The following KLF6 variants were observed in gnomAD, a reference collection of about 807,000 sequenced individuals.
The protein encoded by KLF6 is Krueppel-like factor 6.
For missense variants in KLF6, 233 were observed against 359.8 expected, an observed-to-expected ratio of 0.65 and a Z score of 2.85; for synonymous variants, 152 against 147.9, an observed-to-expected ratio of 1.03 and a Z score of -0.20.
Position 3,782,862 on chromosome 10 carries a change from G to T in KLF6, c.103-648C>A, listed in dbSNP as rs149673152. ...ACCGCCTATGTTTTCACAGAATGCC[G>T]TTCCCAAGTGCAGGCCCTTGCATGA... On this transcript the variant is annotated intron_variant, in intron 1 of 3. Coordinates refer to ENST00000497571, the MANE Select transcript of KLF6 (RefSeq NM_001300.6). This position sits in a 1 kb window ranked among gnomAD's most constrained non-coding sequence, Gnocchi z 4.3. 6.6e-6 allele frequency among the ~76,000 whole-genome samples: 1 copy of T among 152,204 alleles called. No individual in the cohort carries two copies. The highest frequency in any genetic ancestry group is 1.9e-4 in the East Asian group (1 of 5,204).
rs1564291640 is a variant in KLF6, at chr10:3,776,338, G to GTA, written c.*3199_*3200dup. The stretch of plus-strand genomic sequence containing the variant: ...TGTTTTTGTCAGTCCTTGGAGAAGA[G>GTA]TATTTGATGCATTCAGGGAGGGCAA... On this transcript the variant is annotated 3_prime_UTR_variant, in exon 4 of 4. Coordinates refer to ENST00000497571, the MANE Select transcript of KLF6 (RefSeq NM_001300.6). 5.6e-5 allele frequency: 30 copies of GTA among 532,580 alleles called. No homozygotes were observed. The East Asian group carries it at 1.2e-3, about 21-fold the overall frequency. 33.0% of individuals were successfully genotyped at this position (532,580 alleles called of 1,614,324 possible). A position where few individuals can be genotyped will look rare whatever the true frequency, so the allele number is the denominator to read the frequency against.
intron 1 of KLF6, 92 bp downstream of exon 1, chr10:3,784,821 G>A: frequency 8.1e-7 from 1 of 1,227,520 alleles, no homozygotes; most frequent in Non-Finnish European, 1.1e-6. Context: ...CCCAGGCCCA[G>A]CGGACCGCAG....
At chr10:3,779,741 G>A in intron 3 of KLF6, 151 bp from the exon 4 acceptor site, 1 of 746,668 alleles carries the variant, frequency 1.3e-6, no homozygotes. Flanking sequence ...GTGTCTTCAG[G>A]GACAGGAGAT....
Position 3,778,007 on chromosome 10 carries a change from C to G in KLF6, c.*1532G>C, listed in dbSNP as rs748062189. The stretch of plus-strand genomic sequence containing the variant: ...GTGTGTGATCTATACAATTGTTGTG[C>G]AAGGTCTATATGAAAGTCTCAAGGT... On this transcript the variant is annotated 3_prime_UTR_variant, in exon 4 of 4. Coordinates refer to ENST00000497571, the MANE Select transcript of KLF6 (RefSeq NM_001300.6). 2.0e-6 allele frequency: 1 copy of G among 505,940 alleles called. No individual in the cohort carries two copies. Among genetic ancestry groups the G allele is most frequent in the Non-Finnish European group, 3.9e-6 (1 of 258,540 alleles). 31.3% of individuals were successfully genotyped at this position (505,940 alleles called of 1,614,324 possible). A position where few individuals can be genotyped will look rare whatever the true frequency, so the allele number is the denominator to read the frequency against.
At position 3,785,004 on chromosome 10, in the gene KLF6, A is replaced by G; in HGVS notation, c.11T>C (p.Leu4Pro). ...CTCCTGGAAGATGCTGCACATGGGG[A>G]GCACGTCCATGTCGGGCCGGGTTGG... Reference protein sequence around the residue: MDVLPMCSIFQELQ... With the variant: MDVPPMCSIFQELQ... The change falls in exon 1 of 4, where the codon CTC becomes CCC. Residue 4 changes from leucine (L) to proline (P), a missense_variant. Leu to Pro is a moderately conservative substitution (Grantham distance 98, BLOSUM62 -3). Coordinates refer to ENST00000497571, the MANE Select transcript of KLF6 (RefSeq NM_001300.6). 1.9e-6 allele frequency: 3 copies of G among 1,610,198 alleles called. No homozygotes were observed. The highest frequency in any genetic ancestry group is 2.5e-6 in the Non-Finnish European group (3 of 1,177,712).
rs1310382953 is a variant in KLF6, at chr10:3,778,959, C to T, written c.*580G>A. On this transcript the variant is annotated 3_prime_UTR_variant, in exon 4 of 4. Coordinates refer to ENST00000497571, the MANE Select transcript of KLF6 (RefSeq NM_001300.6). ...AAAGGGGGAGAGAGGCTCTCCCTCC[C>T]CACACCACTCGCCACTCTGGGGTCC... The T allele has an allele frequency of 3.7e-6, 2 of 534,790 alleles. No individual in the cohort carries two copies. Among genetic ancestry groups the T allele is most frequent in the African/African-American group, 3.7e-5 (2 of 53,884 alleles). The allele number at this position is 534,790 out of a possible 1,614,324, so 33.1% of individuals were successfully genotyped here. A position where few individuals can be genotyped will look rare whatever the true frequency, so the allele number is the denominator to read the frequency against.
At chr10:3,784,479 AAG>A (rs1415781886) in intron 1 of KLF6, among the ~76,000 whole-genome samples, 2 of 152,190 alleles carry the variant, frequency 1.3e-5, no homozygotes, top group Non-Finnish European at 2.9e-5. Context: ...ACAAAAATAA[AAG>A]AGAGCTGGTC....
rs923864525 is a variant in KLF6 at position 3,782,217 on chromosome 10, G to A, written c.103-3C>T. 5 of 1,602,952 alleles carry A rather than the reference G, an allele frequency of 3.1e-6. 1 individual carries two copies. The highest frequency in any genetic ancestry group is 4.2e-6 in the Non-Finnish European group (5 of 1,179,546). On this transcript the variant is annotated splice_polypyrimidine_tract_variant and splice_region_variant and intron_variant, in intron 1 of 3. Coordinates refer to ENST00000497571, the MANE Select transcript of KLF6 (RefSeq NM_001300.6). The surrounding 1 kb of genome is among the most constrained non-coding windows in gnomAD (Gnocchi z 4.3). ...TAACGTTCCAGCTCTAGGCAGGTCTGTGCAAAATGAACCAGAGAAGGCACG... is the reference window on the plus strand; with the variant it reads ...TAACGTTCCAGCTCTAGGCAGGTCTATGCAAAATGAACCAGAGAAGGCACG...
Position 3,780,274 on chromosome 10 carries a change from C to T in KLF6, c.677-45G>A, listed in dbSNP as rs1343507103. 4.3e-6 allele frequency: 7 copies of T among 1,609,924 alleles called. No homozygotes were observed. The South Asian group carries it at 5.5e-5, about 13-fold the overall frequency. ...CAAGCAGCCCATGACTTCACTGACCCGCAGACGGAAAGGGGAAATTCAACA... is the reference window on the plus strand; with the variant it reads ...CAAGCAGCCCATGACTTCACTGACCTGCAGACGGAAAGGGGAAATTCAACA... On this transcript the variant is annotated intron_variant, in intron 2 of 3. Transcript: ENST00000497571. This position sits in a 1 kb window ranked among gnomAD's most constrained non-coding sequence, Gnocchi z 4.6.
At chr10:3,784,861 G>C (rs1832614271) in intron 1 of KLF6, 52 bp downstream of exon 1, 2 of 1,559,528 alleles carry the variant, frequency 1.3e-6, no homozygotes, top group Non-Finnish European at 1.7e-6. Context: ...CCAAACAGCC[G>C]ACCCGGCCCG....
Position 3,776,447 on chromosome 10 carries a change from G to C in KLF6, c.*3092C>G, listed in dbSNP as rs1302241556. Reference sequence around the variant, plus strand: ...GCTGAGGTCGGTGAGTTGTTCTCAGGGTTGCTCAATGAAGATTTGCCCCCA... The same window carrying C: ...GCTGAGGTCGGTGAGTTGTTCTCAGCGTTGCTCAATGAAGATTTGCCCCCA... On this transcript the variant is annotated 3_prime_UTR_variant, in exon 4 of 4. Coordinates refer to ENST00000497571, the MANE Select transcript of KLF6 (RefSeq NM_001300.6). The C allele has an allele frequency of 1.9e-6, 1 of 531,920 alleles. No homozygotes were observed. The highest frequency in any genetic ancestry group is 2.2e-5 in the Admixed American group (1 of 44,946). 33.0% of individuals were successfully genotyped at this position (531,920 alleles called of 1,614,324 possible). A position where few individuals can be genotyped will look rare whatever the true frequency, so the allele number is the denominator to read the frequency against.
rs1162662287 is a variant in KLF6, at chr10:3,782,678, C to T, written c.103-464G>A. 1.3e-5 allele frequency among the ~76,000 whole-genome samples: 2 copies of T among 152,228 alleles called. No homozygotes were observed. Among genetic ancestry groups the T allele is most frequent in the African/African-American group, 2.4e-5 (1 of 41,444 alleles). On this transcript the variant is annotated intron_variant, in intron 1 of 3. Coordinates refer to ENST00000497571, the MANE Select transcript of KLF6 (RefSeq NM_001300.6). The surrounding 1 kb of genome is among the most constrained non-coding windows in gnomAD (Gnocchi z 4.3). ...ACACTCCACAGATACCCACACAGGACAGAAAGACTGCACGGCACACAGCGT... is the reference window on the plus strand; with the variant it reads ...ACACTCCACAGATACCCACACAGGATAGAAAGACTGCACGGCACACAGCGT...
rs7634 is a variant in KLF6 at position 3,779,135 on chromosome 10, A to T, written c.*404T>A. 0.15 allele frequency: 81,656 copies of T among 538,490 alleles called. 7,002 individuals carry two copies. The highest frequency in any genetic ancestry group is 0.22 in the East Asian group (5,680 of 25,834). The allele number at this position is 538,490 out of a possible 1,614,324, so 33.4% of individuals were successfully genotyped here. A position where few individuals can be genotyped will look rare whatever the true frequency, so the allele number is the denominator to read the frequency against. ...CATCTCATCTCATGGTATACTCCTTACACACAAAACATTCAAACTACTTTT... is the reference window on the plus strand; with the variant it reads ...CATCTCATCTCATGGTATACTCCTTTCACACAAAACATTCAAACTACTTTT... On this transcript the variant is annotated 3_prime_UTR_variant, in exon 4 of 4. Coordinates refer to ENST00000497571, the MANE Select transcript of KLF6 (RefSeq NM_001300.6).
At position 3,777,997 on chromosome 10, in the gene KLF6, A is replaced by G. The variant is rs1260871033; in HGVS notation, c.*1542T>C. The G allele has an allele frequency of 4.0e-6, 2 of 505,350 alleles. No homozygotes were observed. Among genetic ancestry groups the G allele is most frequent in the Non-Finnish European group, 7.8e-6 (2 of 258,018 alleles). The allele number at this position is 505,350 out of a possible 1,614,324, so 31.3% of individuals were successfully genotyped here. A position where few individuals can be genotyped will look rare whatever the true frequency, so the allele number is the denominator to read the frequency against. On this transcript the variant is annotated 3_prime_UTR_variant, in exon 4 of 4. Coordinates refer to ENST00000497571, the MANE Select transcript of KLF6 (RefSeq NM_001300.6). ...AATACAGCCGGTGTGTGATCTATAC[A>G]ATTGTTGTGCAAGGTCTATATGAAA...
In KLF6 at chr10:3,780,732, C is replaced by T. The variant is rs1832497905; in HGVS notation, c.677-503G>A. On this transcript the variant is annotated intron_variant, in intron 2 of 3. Coordinates refer to ENST00000497571, the MANE Select transcript of KLF6 (RefSeq NM_001300.6). This position sits in a 1 kb window ranked among gnomAD's most constrained non-coding sequence, Gnocchi z 4.6. Reference sequence around the variant, plus strand: ...CCCAGTACAGGGCCCCGGAATCATTCTCTAAATGGCAATTGAACAACTGGG... The same window carrying T: ...CCCAGTACAGGGCCCCGGAATCATTTTCTAAATGGCAATTGAACAACTGGG... The T allele has an allele frequency of 4.8e-6, 1 of 208,312 alleles. No individual in the cohort carries two copies. Among genetic ancestry groups the T allele is most frequent in the East Asian group, 1.1e-4 (1 of 9,420 alleles). 12.9% of individuals were successfully genotyped at this position (208,312 alleles called of 1,614,324 possible).
rs745601386 is a variant in KLF6 at position 3,781,912 on chromosome 10, G to A, written c.405C>T (p.Val135=). 8 of 1,614,086 alleles carry A rather than the reference G, an allele frequency of 5.0e-6. No homozygotes were observed. The Admixed American group carries it at 5.0e-5, about 10-fold the overall frequency. ...CAGAGGAGCTCAATTTTCCCGAGCT[G>A]ACCAAAACTTCGCCAATGGGGTCGG... ...FTSDPIGEVL[V]SSGKLSSSVT... Residue 135 remains valine (V), a synonymous_variant, in exon 2 of 4, where the codon GTC becomes GTT. Transcript: ENST00000497571. The surrounding 1 kb of genome is among the most constrained non-coding windows in gnomAD (Gnocchi z 5.8).
At position 3,781,969 on chromosome 10, in the gene KLF6, G is replaced by T. The variant is rs567256568; in HGVS notation, c.348C>A (p.Ser116=). The T allele has an allele frequency of 3.7e-6, 6 of 1,614,162 alleles. No homozygotes were observed. Among genetic ancestry groups the T allele is most frequent in the Non-Finnish European group, 5.1e-6 (6 of 1,180,020 alleles). The change falls in exon 2 of 4, where the codon TCC becomes TCA. Residue 116 remains serine, a synonymous_variant. Coordinates refer to ENST00000497571, the MANE Select transcript of KLF6 (RefSeq NM_001300.6). This position sits in a 1 kb window ranked among gnomAD's most constrained non-coding sequence, Gnocchi z 5.8. Reference sequence around the variant, plus strand: ...ACTTGGCCGTGGGAGAAAGTTCCTCGGAGCTGTCAGAGGATTCGCTGCTGA... The same window carrying T: ...ACTTGGCCGTGGGAGAAAGTTCCTCTGAGCTGTCAGAGGATTCGCTGCTGA... ...SDVSSESSDS[S]EELSPTAKFT...
Position 3,777,114 on chromosome 10 carries a change from A to G in KLF6, c.*2425T>C, listed in dbSNP as rs779889303. ...CGAAATGAGTTTCTTAGGTAAATGTATTCATCAGCCCAGATAAAAAAAAAA... is the reference window on the plus strand; with the variant it reads ...CGAAATGAGTTTCTTAGGTAAATGTGTTCATCAGCCCAGATAAAAAAAAAA... On this transcript the variant is annotated 3_prime_UTR_variant, in exon 4 of 4. Coordinates refer to ENST00000497571, the MANE Select transcript of KLF6 (RefSeq NM_001300.6). 9.8e-6 allele frequency: 5 copies of G among 507,708 alleles called. No homozygotes were observed. Among genetic ancestry groups the G allele is most frequent in the South Asian group, 1.5e-5 (1 of 64,614 alleles). 31.5% of individuals were successfully genotyped at this position (507,708 alleles called of 1,614,324 possible).
At chr10:3,784,577 A>G (rs1042077682) in intron 1 of KLF6, among the ~76,000 whole-genome samples, 9 of 151,314 alleles carry the variant, frequency 5.9e-5, no homozygotes, top group Admixed American at 5.3e-4. Flanking sequence ...ATCCGTTAAA[A>G]AAAAACAACA....
Sources: gnomAD v4.1 joint callset for allele counts (sites outside exome capture counted in the v4.1 genomes callset) on GRCh38, gnomAD v4.1.1 for gene constraint, Gnocchi (gnomAD v3.1) non-coding constraint, MANE v1.5 for transcripts, NCBI Gene and HGNC (gene_info 2026-07-23, HGNC 2026-07-21) for gene names.